Variants in FTCD observed in about 807,000 individuals in gnomAD.
FTCD encodes formimidoyltransferase cyclodeaminase, also known as formimidoyltransferase-cyclodeaminase.
In FTCD, 76 loss-of-function variants were observed where a neutral mutation model predicts 62.9. The ratio of observed to expected loss-of-function variants is 1.21; its 90% CI spans 1.00 to 1.46. The LOEUF (loss-of-function observed/expected upper bound fraction) is 1.46, where lower values mean the gene tolerates loss of function less well. FTCD is among the 40% of genes most tolerant of loss of function. The probability of loss-of-function intolerance (pLI) is 0.00; values close to 1 mark genes in which losing one functional copy is unlikely to be tolerated. For synonymous variants in FTCD, 397 were observed against 336.9 expected (o/e 1.18, Z -1.95); for missense variants, 845 against 751.3 (o/e 1.12, Z -1.46).
At chr21:46,138,391 A>G in intron 12 of FTCD, 117 bp downstream of exon 12, 1 of 971,956 alleles carries the variant, frequency 1.0e-6, no homozygotes, top group African/African-American at 1.6e-5. Context: ...CTGCCCGTGA[A>G]GTGAGGTCTC....
At chr21:46,149,153 A>T (rs2079211234) in intron 7 of FTCD, among the ~76,000 whole-genome samples, 1 of 152,214 alleles carries the variant, frequency 6.6e-6, no homozygotes, top group African/African-American at 2.4e-5. Context: ...TCTTCTCTGT[A>T]AGAAATTATA....
intron 13 of FTCD, 77 bp from the exon 14 acceptor site, chr21:46,137,150 C>G: frequency 6.3e-7 from 1 of 1,592,794 alleles, no homozygotes; most frequent in South Asian, 1.1e-5. Flanking sequence ...CTCCGACCCC[C>G]ACTGCCCACA....
chr21:46,150,327 C>T, intron 6 of FTCD, 61 bp downstream of exon 6: 1 of 1,611,004 alleles, frequency 6.2e-7, no homozygotes, highest in Non-Finnish European at 8.5e-7. Context: ...GGGGCCCCCG[C>T]CCTGCCCACG....
At chr21:46,139,341 C>T (rs1004097558) in intron 10 of FTCD, among the ~76,000 whole-genome samples, 11 of 152,158 alleles carry the variant, frequency 7.2e-5, no homozygotes, top group Non-Finnish European at 1.3e-4. Context: ...CAAGAGCAAA[C>T]CTCAAAGCCC....
chr21:46,143,266 G>T (rs1320612991), intron 10 of FTCD, among the ~76,000 whole-genome samples: 1 of 151,866 alleles, frequency 6.6e-6, no homozygotes, highest in Non-Finnish European at 1.5e-5. Context: ...TGCTCCAGAG[G>T]CTGGGGCACA....
chr21:46,136,370 G>A (rs538433909), downstream of FTCD: 3 of 1,467,412 alleles, frequency 2.0e-6, no homozygotes, highest in African/African-American at 2.8e-5. Flanking sequence ...CTGGTTGAAG[G>A]GTGGACGGGA....
At chr21:46,146,110 C>T (rs1203338505) in intron 8 of FTCD, among the ~76,000 whole-genome samples, 156 bp downstream of exon 8, 1 of 151,990 alleles carries the variant, frequency 6.6e-6, no homozygotes, top group Non-Finnish European at 1.5e-5. Flanking sequence ...CCCCCCTCAG[C>T]CCCCAGACCC....
At chr21:46,142,545 TTGG>T (rs1160713205) in intron 10 of FTCD, 1 of 152,166 alleles carries the variant, frequency 6.6e-6, no homozygotes, top group African/African-American at 2.4e-5. Flanking sequence ...TCCCGGTGGG[TTGG>T]TGGTCTCGCT....
In FTCD at chr21:46,154,294, C is replaced by G; in HGVS notation, c.93G>C (p.Pro31=). The change falls in exon 2 of 14, where the codon CCG becomes CCC. Residue 31 remains proline (P), a synonymous_variant. Coordinates refer to ENST00000397746, the MANE Select transcript of FTCD (RefSeq NM_206965.2). ...CGTCCACATCCAGCAGCACGCAGCC[C>G]GGGGTCTGTGTGATGGCTCCAGAGA... is the stretch of plus-strand genomic sequence containing the variant. The part of the protein sequence containing the change: ...DAISGAITQT[P]GCVLLDVDAG... The G allele has an allele frequency of 6.2e-7, 1 of 1,611,778 alleles. No homozygotes were observed. Among genetic ancestry groups the G allele is most frequent in the African/African-American group, 1.3e-5 (1 of 75,028 alleles).
intron 4 of FTCD, 38 bp from the exon 5 acceptor site, chr21:46,151,775 C>G (rs200988641): frequency 7.5e-6 from 12 of 1,608,544 alleles, no homozygotes; most frequent in Non-Finnish European, 1.7e-6. Context: ...ACATCCCCCA[C>G]GGGAGGGAAC....
At position 46,150,134 on chromosome 21, in the gene FTCD, C is replaced by T. The variant is rs200444548; in HGVS notation, c.891G>A (p.Glu297=). 6.2e-6 allele frequency: 10 copies of T among 1,610,450 alleles called. No individual in the cohort carries two copies. The highest frequency in any genetic ancestry group is 1.3e-5 in the African/African-American group (1 of 74,866). ...EKENLFILEE[E]QRIRLVVSRL... ...CCCGGCCCACCAGCCTGATCCGCTGCTCCTCCTCCAGGATGAAGAGGTTCT... is the reference window on the plus strand; with the variant it reads ...CCCGGCCCACCAGCCTGATCCGCTGTTCCTCCTCCAGGATGAAGAGGTTCT... The change falls in exon 7 of 14, where the codon GAG becomes GAA. Residue 297 remains glutamate (E), a synonymous_variant. Coordinates refer to ENST00000397746, the MANE Select transcript of FTCD (RefSeq NM_206965.2).
rs2079375994 is a variant in FTCD at position 46,154,248 on chromosome 21, T to C, written c.139A>G (p.Thr47Ala). ...DVDAGPSTNR[T>A]VYTFVGPPEC... ...GGCGGCCCCACGAAGGTGTACACGG[T>C]GCGGTTGGTGGAAGGGCCTGCGTCC... Residue 47 changes from threonine to alanine, a missense_variant, in exon 2 of 14, where the codon ACC becomes GCC. Transcript: ENST00000397746. 2 of 1,612,632 alleles carry C rather than the reference T, an allele frequency of 1.2e-6. No individual in the cohort carries two copies. The highest frequency in any genetic ancestry group is 1.3e-5 in the African/African-American group (1 of 75,000).
chr21:46,153,969 C>T (rs2079367037), intron 2 of FTCD, among the ~76,000 whole-genome samples, 180 bp downstream of exon 2: 1 of 152,154 alleles, frequency 6.6e-6, no homozygotes, highest in South Asian at 2.1e-4. Flanking sequence ...GCCCTGCAGG[C>T]AGGATGGGGG....
chr21:46,137,090 AAG>A lies in FTCD; in HGVS notation c.1540-19_1540-18del. ...ATGGTGGATCTGATGGACACAGGGA[AAG>A]AGGGGTCTGGTAGTTCCAGTCTTCA... On this transcript the variant is annotated intron_variant, in intron 13 of 13. Coordinates refer to ENST00000397746, the MANE Select transcript of FTCD (RefSeq NM_206965.2). 3.1e-6 allele frequency: 5 copies of A among 1,611,500 alleles called. No homozygotes were observed. The highest frequency in any genetic ancestry group is 4.2e-6 in the Non-Finnish European group (5 of 1,177,976).
chr21:46,147,698 G>A (rs1396414756), intron 7 of FTCD, among the ~76,000 whole-genome samples: 1 of 151,816 alleles, frequency 6.6e-6, no homozygotes, highest in Non-Finnish European at 1.5e-5. Context: ...CAGTGCTTTG[G>A]GAGGCTGAGG....
downstream of FTCD, chr21:46,136,612 A>G: frequency 6.6e-7 from 1 of 1,513,168 alleles, no homozygotes; most frequent in Non-Finnish European, 8.9e-7. Context: ...TGTGGGCTGC[A>G]CTGGGTGTCT....
intron 2 of FTCD, among the ~76,000 whole-genome samples, 157 bp downstream of exon 2, chr21:46,153,992 C>T (rs1241607377): frequency 6.6e-6 from 1 of 152,170 alleles, no homozygotes; most frequent in Non-Finnish European, 1.5e-5. Context: ...ATGACCCCCA[C>T]ACTCCAGGGT....
intron 8 of FTCD, 113 bp from the exon 9 acceptor site, chr21:46,146,060 T>C: frequency 1.3e-6 from 1 of 741,870 alleles, no homozygotes; most frequent in Admixed American, 2.8e-5. Flanking sequence ...AGGTGACCAC[T>C]CGGCTGAGAA....
At chr21:46,141,278 G>C (rs963197212) in intron 10 of FTCD, among the ~76,000 whole-genome samples, 1 of 151,566 alleles carries the variant, frequency 6.6e-6, no homozygotes, top group Admixed American at 6.6e-5. Flanking sequence ...TGGGACCACA[G>C]GTACCTGCTA....
Sources: allele counts gnomAD v4.1 joint callset (sites outside exome capture counted in the v4.1 genomes callset), GRCh38; gene constraint gnomAD v4.1.1; transcripts MANE v1.5; gene names NCBI Gene and HGNC (gene_info 2026-07-23, HGNC 2026-07-21).